TRIM46: variants seen among roughly 807,000 people sequenced by gnomAD.
TRIM46 encodes tripartite motif-containing protein 46.
Under a neutral mutation model 69.7 loss-of-function variants are expected in TRIM46, and 17 were observed. The observed-to-expected ratio is 0.24, with a 90% confidence interval of 0.17 to 0.37. The LOEUF (loss-of-function observed/expected upper bound fraction) is 0.37, where lower values mean the gene tolerates loss of function less well. TRIM46 is among the 10% of genes least tolerant of loss of function. TRIM46 has a pLI of 1.00. For missense variants in TRIM46, 675 were observed against 1,025.1 expected, an observed-to-expected ratio of 0.66 and a Z score of 4.66; for synonymous variants, 391 against 429.0, an observed-to-expected ratio of 0.91 and a Z score of 1.09.
intron 8 of TRIM46, chr1:155,180,601 AAAATAAATAAAT>A: frequency 5.0e-6 from 1 of 199,252 alleles, no homozygotes. Context: ...ACGTCTCGGA[AAAATAAATAAAT>A]AAATAAATAA....
chr1:155,177,075 G>A lies in TRIM46; in HGVS notation c.813G>A (p.Lys271=). 1 of 1,612,464 alleles carries A rather than the reference G, an allele frequency of 6.2e-7. No homozygotes were observed. Among genetic ancestry groups the A allele is most frequent in the Non-Finnish European group, 8.5e-7 (1 of 1,178,598 alleles). The part of the protein sequence containing the change: ...TPVLSAYQAL[K]DKLTKSLTYI... ...TGCTCAGTGCCTACCAGGCCCTCAA[G>A]GTAAGGACCCCCCTTATCCAACCCT... Residue 271 remains lysine (K), a splice_region_variant and synonymous_variant, in exon 4 of 10, where the codon AAG becomes AAA. Coordinates refer to ENST00000334634, the MANE Select transcript of TRIM46 (RefSeq NM_025058.5).
Position 155,178,905 on chromosome 1 carries a change from G to T in TRIM46, c.1285+292G>T. ...CGCCGCCGGGCCCCCTTCCCACCCC[G>T]CTGCTCCCACGCATCTCAGCCAACC... On this transcript the variant is annotated intron_variant, in intron 7 of 9. Transcript: ENST00000334634. 10 of 1,212,174 alleles carry T rather than the reference G, an allele frequency of 8.2e-6. No individual in the cohort carries two copies. The South Asian group carries it at 1.0e-4, about 13-fold the overall frequency. 75.1% of individuals were successfully genotyped at this position (1,212,174 alleles called of 1,614,324 possible).
rs866249104 is a variant in TRIM46 at position 155,174,022 on chromosome 1, G to A, written c.56G>A (p.Arg19His). Residue 19 changes from arginine to histidine, a missense_variant, in exon 1 of 10, where the codon CGC (arginine) becomes CAC (histidine). Transcript: ENST00000334634. ...TFTSIMDALV[R>H]ISTSMKNMEK... ...ACTTCCATCATGGACGCACTGGTCCGCATCAGTGTGAGTTAAGGTGGGGTC... is the reference window on the plus strand; with the variant it reads ...ACTTCCATCATGGACGCACTGGTCCACATCAGTGTGAGTTAAGGTGGGGTC... The A allele has an allele frequency of 6.4e-7, 1 of 1,563,626 alleles. No individual in the cohort carries two copies. Among genetic ancestry groups the A allele is most frequent in the Non-Finnish European group, 8.7e-7 (1 of 1,154,470 alleles).
intron 1 of TRIM46, chr1:155,174,527 C>T: frequency 6.9e-7 from 1 of 1,458,108 alleles, no homozygotes; most frequent in Non-Finnish European, 9.0e-7. Flanking sequence ...CCTGGCTCTC[C>T]CAGGGGCGGT....
rs1665823069 is a variant in TRIM46, at chr1:155,178,022, G to A, written c.930G>A (p.Lys310=). ...GGCAGGTGAGTGGTCAGCAGGCCAA[G>A]GAGGAGGTGTCGCAGCTGGTGCGGG... ...RHTEVSGQQA[K]EEVSQLVRGL... The change falls in exon 6 of 10, where the codon AAG becomes AAA. Residue 310 remains lysine (K), a synonymous_variant. Coordinates refer to ENST00000334634, the MANE Select transcript of TRIM46 (RefSeq NM_025058.5). The A allele has an allele frequency of 4.3e-6, 7 of 1,613,236 alleles. No individual in the cohort carries two copies. Among genetic ancestry groups the A allele is most frequent in the South Asian group, 1.1e-5 (1 of 91,056 alleles).
chr1:155,178,694 A>G, intron 7 of TRIM46, 81 bp downstream of exon 7: 1 of 1,587,868 alleles, frequency 6.3e-7, no homozygotes, highest in Non-Finnish European at 8.5e-7. Context: ...GGCAGTGCCT[A>G]CCGGGGACCT....
chr1:155,182,444 C>T, intron 9 of TRIM46: 2 of 562,808 alleles, frequency 3.6e-6, no homozygotes, highest in Middle Eastern at 4.6e-4. Flanking sequence ...ATCAACACAC[C>T]ATCTCTCCAA....
chr1:155,183,674 C>T, intron 9 of TRIM46, 123 bp from the exon 10 acceptor site: 1 of 1,331,286 alleles, frequency 7.5e-7, no homozygotes, highest in Non-Finnish European at 1.0e-6. Flanking sequence ...TTCTTCTCAA[C>T]ACCCAAAATC....
intron 5 of TRIM46, among the ~76,000 whole-genome samples, 174 bp from the exon 6 acceptor site, chr1:155,177,828 C>G (rs141029562): frequency 1.5e-4 from 23 of 152,304 alleles, no homozygotes; most frequent in Admixed American, 2.6e-4. Flanking sequence ...TTGAGTCCAT[C>G]TAGAGGTGCC....
chr1:155,178,703 C>A, intron 7 of TRIM46, 90 bp downstream of exon 7: 1 of 1,572,082 alleles, frequency 6.4e-7, no homozygotes, highest in Admixed American at 1.8e-5. Flanking sequence ...TACCGGGGAC[C>A]TCCCCGGCCT....
intron 7 of TRIM46, among the ~76,000 whole-genome samples, chr1:155,179,106 C>G (rs1253477499): frequency 6.6e-6 from 1 of 152,224 alleles, no homozygotes; most frequent in Non-Finnish European, 1.5e-5. Flanking sequence ...TGACCTCCAA[C>G]CCCTGCCCTC....
chr1:155,175,781 T>TTA lies in TRIM46; in HGVS notation c.326-107_326-106insTA, dbSNP rs1381496623. ...GAGATACTGCTTACGCAGGCTCTAA[T>TTA]GAGAGCTGAGCTCTGGCACAATGAA... On this transcript the variant is annotated intron_variant, in intron 2 of 9. Coordinates refer to ENST00000334634, the MANE Select transcript of TRIM46 (RefSeq NM_025058.5). The surrounding 1 kb of genome is among the most constrained non-coding windows in gnomAD (Gnocchi z 4.2). 1.9e-6 allele frequency: 3 copies of TTA among 1,576,058 alleles called. No individual in the cohort carries two copies. The highest frequency in any genetic ancestry group is 1.8e-5 in the Admixed American group (1 of 57,056).
chr1:155,183,398 C>T (rs1666328254), intron 9 of TRIM46, among the ~76,000 whole-genome samples: 1 of 152,006 alleles, frequency 6.6e-6, no homozygotes, highest in Non-Finnish European at 1.5e-5. Context: ...ACCCTCATCT[C>T]TCTCCCGACA....
chr1:155,184,438 C>T lies in TRIM46; in HGVS notation c.*248C>T, dbSNP rs1666398517. The T allele has an allele frequency of 5.8e-6, 3 of 517,996 alleles. No individual in the cohort carries two copies. In the African/African-American group the frequency reaches 5.8e-5, roughly 10 times the overall value. 32.1% of individuals were successfully genotyped at this position (517,996 alleles called of 1,614,324 possible). A position where few individuals can be genotyped will look rare whatever the true frequency, so the allele number is the denominator to read the frequency against. Reference sequence around the variant, plus strand: ...CAGGCCCCCACCCCCACTGAGTCTGCCCTATGACCTGCCTTTGGCATGTTA... The same window carrying T: ...CAGGCCCCCACCCCCACTGAGTCTGTCCTATGACCTGCCTTTGGCATGTTA... On this transcript the variant is annotated 3_prime_UTR_variant, in exon 10 of 10. Transcript: ENST00000334634. This position sits in a 1 kb window ranked among gnomAD's most constrained non-coding sequence, Gnocchi z 5.6.
chr1:155,179,914 T>A lies in TRIM46; in HGVS notation c.1568T>A (p.Leu523Gln). The change falls in exon 8 of 10, where the codon CTG (leucine) becomes CAG (glutamine). Residue 523 changes from leucine (L) to glutamine (Q), a missense_variant. Transcript: ENST00000334634. ...GYGEYSEDVH[L>Q]HTPPAPVLHF... is the part of the protein sequence containing the mutation. ...GGCGAATACAGTGAAGATGTGCACC[T>A]GCACACGCCCCCGGCACCTGGTGAG... 1 of 1,582,972 alleles carries A rather than the reference T, an allele frequency of 6.3e-7. No homozygotes were observed. Among genetic ancestry groups the A allele is most frequent in the South Asian group, 1.1e-5 (1 of 87,286 alleles).
At chr1:155,178,884 G>A (rs748558050) in intron 7 of TRIM46, 311 of 1,352,804 alleles carry the variant, frequency 2.3e-4, no homozygotes, top group Non-Finnish European at 2.8e-4. Flanking sequence ...CCTGCCCGCC[G>A]CCGGGCCCCC....
chr1:155,174,113 G>C (rs992464696), intron 1 of TRIM46, 84 bp downstream of exon 1: 4 of 1,444,478 alleles, frequency 2.8e-6, no homozygotes, highest in Non-Finnish European at 3.8e-6. Context: ...TGGGGATCCA[G>C]GAAGATGCTG....
At position 155,181,704 on chromosome 1, in the gene TRIM46, C is replaced by G; in HGVS notation, c.1589-148C>G. On this transcript the variant is annotated intron_variant, in intron 8 of 9. Coordinates refer to ENST00000334634, the MANE Select transcript of TRIM46 (RefSeq NM_025058.5). The surrounding 1 kb of genome is among the most constrained non-coding windows in gnomAD (Gnocchi z 4.3). ...TTCCTCATGCCCCCCATTCCAGTTT[C>G]CCATGTCCTGTTCTCCTGAACCCCC... 1.3e-6 allele frequency: 1 copy of G among 769,570 alleles called. No individual in the cohort carries two copies. Among genetic ancestry groups the G allele is most frequent in the South Asian group, 1.8e-5 (1 of 54,986 alleles). 47.7% of individuals were successfully genotyped at this position (769,570 alleles called of 1,614,324 possible). A position where few individuals can be genotyped will look rare whatever the true frequency, so the allele number is the denominator to read the frequency against.
chr1:155,180,597 C>A, intron 8 of TRIM46: 1 of 205,208 alleles, frequency 4.9e-6, no homozygotes. Context: ...TCCGACGTCT[C>A]GGAAAAATAA....
Sources: allele counts gnomAD v4.1 joint callset (sites outside exome capture counted in the v4.1 genomes callset), GRCh38; gene constraint gnomAD v4.1.1; non-coding constraint Gnocchi (gnomAD v3.1); transcripts MANE v1.5; gene names NCBI Gene and HGNC (gene_info 2026-07-23, HGNC 2026-07-21).